Variants in FER observed in about 807,000 individuals in gnomAD.
FER encodes the protein tyrosine-protein kinase Fer.
A neutral mutation model predicts 111.0 loss-of-function variants in FER; 63 were observed. That is an observed-to-expected ratio of 0.57 (90% CI 0.46 to 0.70). The LOEUF is 0.70. Ranked by LOEUF, FER falls within the 30% of genes least tolerant of loss-of-function variation. The pLI, the probability that FER is intolerant of heterozygous loss-of-function variation, is 0.00. For missense variants in FER, 914 were observed against 954.0 expected (o/e 0.96, Z 0.55); for synonymous variants, 327 against 313.9 (o/e 1.04, Z -0.44).
At chr5:108,807,379 C>T (rs1377335795) in intron 3 of FER, among the ~76,000 whole-genome samples, 1 of 152,122 alleles carries the variant, frequency 6.6e-6, no homozygotes, top group Non-Finnish European at 1.5e-5. Flanking sequence ...GGAATTTGTC[C>T]ATTCCTGTAG....
At chr5:108,984,535 T>A (rs977182639) in intron 13 of FER, among the ~76,000 whole-genome samples, 1 of 151,778 alleles carries the variant, frequency 6.6e-6, no homozygotes, top group African/African-American at 2.4e-5. Context: ...CCAAACATGA[T>A]GTTGGAGAAT....
chr5:109,160,555 G>T (rs147077839), intron 17 of FER, among the ~76,000 whole-genome samples: 5 of 151,996 alleles, frequency 3.3e-5, no homozygotes, highest in Non-Finnish European at 7.4e-5. Flanking sequence ...ATTAAATTTC[G>T]GTTCTCTGTG....
intron 2 of FER, among the ~76,000 whole-genome samples, chr5:108,768,583 T>G (rs894006069): frequency 1.1e-4 from 16 of 152,192 alleles, no homozygotes; most frequent in African/African-American, 3.9e-4. Context: ...TACTTGCACT[T>G]TGTTCTGATT....
intron 17 of FER, among the ~76,000 whole-genome samples, chr5:109,139,436 C>T (rs1753286648): frequency 6.7e-6 from 1 of 149,998 alleles, no homozygotes; most frequent in South Asian, 2.1e-4. Flanking sequence ...CTGCAAGCTC[C>T]ACTTCCCGGT....
chr5:108,984,563 GT>G (rs552202875), intron 13 of FER, among the ~76,000 whole-genome samples: 19,156 of 146,066 alleles, frequency 0.13, 1,230 homozygotes, highest in Middle Eastern at 0.16. Flanking sequence ...TGCCACGATA[GT>G]TTTTTTTTTT....
chr5:108,971,061 G>A (rs1760585966), intron 13 of FER, among the ~76,000 whole-genome samples: 1 of 151,830 alleles, frequency 6.6e-6, no homozygotes, highest in Non-Finnish European at 1.5e-5. Context: ...TTTTAATTGT[G>A]GGAAGAAGTT....
At chr5:109,086,974 T>G (rs1428718203) in intron 16 of FER, among the ~76,000 whole-genome samples, 1 of 148,646 alleles carries the variant, frequency 6.7e-6, no homozygotes, top group Non-Finnish European at 1.5e-5. Flanking sequence ...TCTCCTCCTC[T>G]TATAAGGATA....
chr5:108,871,658 T>C (rs193128588), intron 7 of FER, among the ~76,000 whole-genome samples, 156 bp downstream of exon 7: 1 of 152,190 alleles, frequency 6.6e-6, no homozygotes, highest in East Asian at 1.9e-4. Context: ...AAAAGTTCTT[T>C]GTCAATGATG....
At chr5:108,777,274 T>C (rs1043098423) in intron 2 of FER, among the ~76,000 whole-genome samples, 1 of 152,252 alleles carries the variant, frequency 6.6e-6, no homozygotes, top group Non-Finnish European at 1.5e-5. Flanking sequence ...TTTTATGTAA[T>C]AGAATTTTTT....
At chr5:108,899,570 G>A (rs1159331676) in intron 10 of FER, among the ~76,000 whole-genome samples, 1 of 151,982 alleles carries the variant, frequency 6.6e-6, no homozygotes, top group Non-Finnish European at 1.5e-5. Flanking sequence ...AGGCCGAGGT[G>A]GGTGGATCAC....
intron 16 of FER, among the ~76,000 whole-genome samples, chr5:109,049,670 C>T (rs1319905353): frequency 6.6e-6 from 1 of 152,002 alleles, no homozygotes; most frequent in East Asian, 1.9e-4. Context: ...TGAAGCTGAA[C>T]ATGACCATAG....
intron 1 of FER, among the ~76,000 whole-genome samples, chr5:108,751,350 A>T (rs1750486123): frequency 6.6e-6 from 1 of 152,106 alleles, no homozygotes; most frequent in African/African-American, 2.4e-5. Flanking sequence ...ATACTAACTT[A>T]ATTACATGAG....
intron 14 of FER, among the ~76,000 whole-genome samples, chr5:109,041,692 G>A (rs1225195818): frequency 6.6e-6 from 1 of 152,154 alleles, no homozygotes; most frequent in Non-Finnish European, 1.5e-5. Flanking sequence ...AGGACACTGG[G>A]TAGACTGACA....
intron 16 of FER, among the ~76,000 whole-genome samples, chr5:109,058,433 C>A (rs1773915763): frequency 6.6e-6 from 1 of 151,840 alleles, no homozygotes. Context: ...TATTTATTTG[C>A]CAGTATTTAA....
chr5:108,927,997 A>G (rs866949203), intron 10 of FER, among the ~76,000 whole-genome samples: 50 of 152,182 alleles, frequency 3.3e-4, no homozygotes, highest in African/African-American at 1.2e-3. Context: ...ATAAAACCTT[A>G]TTTATCTAGG....
rs562576976 is a variant in FER at position 108,936,657 on chromosome 5, G to A, written c.1237-9473G>A. On this transcript the variant is annotated intron_variant, in intron 10 of 19. Coordinates refer to ENST00000281092, the MANE Select transcript of FER (RefSeq NM_005246.4). ...TCATATTGATAAAAATTAAGCCCTG[G>A]AGGTGTTATTTATAATATTTGGTAA... 7.9e-5 allele frequency among the ~76,000 whole-genome samples: 12 copies of A among 151,964 alleles called. No homozygotes were observed. The South Asian group carries it at 2.1e-3, about 26-fold the overall frequency.
Position 108,835,748 on chromosome 5 carries a change from G to T in FER, c.422G>T (p.Arg141Ile). Residue 141 changes from arginine to isoleucine, a missense_variant, in exon 5 of 20, where the codon AGA (arginine) becomes ATA (isoleucine). Physicochemically the swap from Arg to Ile is moderately conservative, Grantham distance 97. This residue lies in a region of FER where 774 missense variants were observed against 782.6 expected (regional missense o/e 0.99). Transcript: ENST00000281092. Reference sequence around the variant, plus strand: ...TTGGAGAAGTTAAAATGCAGCTATAGACAATTAATAAAAGAAATGAATTCT... The same window carrying T: ...TTGGAGAAGTTAAAATGCAGCTATATACAATTAATAAAAGAAATGAATTCT... Reference protein sequence around the residue: ...TELEKLKCSYRQLIKEMNSAK... With the variant: ...TELEKLKCSYIQLIKEMNSAK... 6.4e-7 allele frequency: 1 copy of T among 1,571,462 alleles called. No individual in the cohort carries two copies. Among genetic ancestry groups the T allele is most frequent in the South Asian group, 1.2e-5 (1 of 83,276 alleles).
intron 10 of FER, among the ~76,000 whole-genome samples, chr5:108,898,580 C>A (rs1312104104): frequency 2.3e-5 from 3 of 129,506 alleles, no homozygotes; most frequent in African/African-American, 8.5e-5. Context: ...CCTCCCTTCC[C>A]CTCCCCTCCC....
intron 14 of FER, among the ~76,000 whole-genome samples, chr5:109,037,681 C>A (rs1416727539): frequency 6.6e-6 from 1 of 151,950 alleles, no homozygotes; most frequent in Non-Finnish European, 1.5e-5. Context: ...AAGGATGATT[C>A]TTAACATTTA....
Sources: gnomAD v4.1 joint callset for allele counts (sites outside exome capture counted in the v4.1 genomes callset) on GRCh38, gnomAD v4.1.1 for gene constraint, gnomAD v4.1.1 regional missense constraint, MANE v1.5 for transcripts, NCBI Gene and HGNC (gene_info 2026-07-23, HGNC 2026-07-21) for gene names.